The following TBC1D22B variants were observed in gnomAD, a reference collection of about 807,000 sequenced individuals.
TBC1D22B encodes the protein chromosome 6 open reading frame 197.
A neutral mutation model predicts 69.1 loss-of-function variants in TBC1D22B; 32 were observed. The observed-to-expected ratio is 0.46, with a 90% CI of 0.35 to 0.62. The LOEUF (loss-of-function observed/expected upper bound fraction) is 0.62, where lower values mean the gene tolerates loss of function less well. Among genes scored for constraint, TBC1D22B ranks in the 20% least tolerant of loss-of-function variants. The pLI is 0.00. For synonymous variants in TBC1D22B, 206 were observed against 229.8 expected, an observed-to-expected ratio of 0.90 and a Z score of 0.94; for missense variants, 462 against 630.9, an observed-to-expected ratio of 0.73 and a Z score of 2.87.
intron 7 of TBC1D22B, 25 bp from the exon 8 acceptor site, chr6:37,291,218 G>A (rs779143926): frequency 4.4e-5 from 66 of 1,507,968 alleles, no homozygotes; most frequent in Middle Eastern, 1.7e-4. Flanking sequence ...TTTAACACTC[G>A]TGTCTTTCTT....
chr6:37,290,031 C>A (rs939998141), intron 7 of TBC1D22B, among the ~76,000 whole-genome samples: 45 of 152,298 alleles, frequency 3.0e-4, no homozygotes, highest in African/African-American at 1.0e-3. Context: ...CCGCTGTAGG[C>A]ACAACGATCT....
At chr6:37,330,528 G>T (rs866671439) in intron 12 of TBC1D22B, among the ~76,000 whole-genome samples, 1 of 152,038 alleles carries the variant, frequency 6.6e-6, no homozygotes, top group African/African-American at 2.4e-5. Context: ...GAGCCACCGC[G>T]CCTGGCCTAT....
At chr6:37,285,032 G>A (rs189166277) in intron 6 of TBC1D22B, among the ~76,000 whole-genome samples, 1 of 152,160 alleles carries the variant, frequency 6.6e-6, no homozygotes, top group Admixed American at 6.5e-5. Context: ...GCCCATAATG[G>A]TCCTCATGGT....
At position 37,282,907 on chromosome 6, in the gene TBC1D22B, A is replaced by G; in HGVS notation, c.627A>G (p.Pro209=). ...DLDELRKCSW[P]GVPREVRPIT... ...ATGAACTGAGGAAGTGTAGCTGGCC[A>G]GGGGTTCCCAGGGAGGTTCGACCTA... The change falls in exon 5 of 13, where the codon CCA becomes CCG. Residue 209 remains proline (P), a synonymous_variant. Transcript: ENST00000373491. 6.2e-7 allele frequency: 1 copy of G among 1,614,058 alleles called. No individual in the cohort carries two copies. Among genetic ancestry groups the G allele is most frequent in the Non-Finnish European group, 8.5e-7 (1 of 1,179,926 alleles).
rs997912056 is a variant in TBC1D22B, at chr6:37,332,273, C to A, written c.*1101C>A. ...CTCGCCCCTTTCTTCACCCCGCCCCCCAACCCCCAGACTTTCCTGGAGCAT... is the reference window on the plus strand; with the variant it reads ...CTCGCCCCTTTCTTCACCCCGCCCCACAACCCCCAGACTTTCCTGGAGCAT... On this transcript the variant is annotated 3_prime_UTR_variant, in exon 13 of 13. Coordinates refer to ENST00000373491, the MANE Select transcript of TBC1D22B (RefSeq NM_017772.4). The A allele has an allele frequency of 6.6e-6, 1 of 152,632 alleles. No homozygotes were observed. Among genetic ancestry groups the A allele is most frequent in the Non-Finnish European group, 1.5e-5 (1 of 68,108 alleles). The allele number at this position is 152,632 out of a possible 1,614,324, so 9.5% of individuals were successfully genotyped here. A position where few individuals can be genotyped will look rare whatever the true frequency, so the allele number is the denominator to read the frequency against.
At chr6:37,284,043 G>C (rs1766929615) in intron 5 of TBC1D22B, among the ~76,000 whole-genome samples, 1 of 152,176 alleles carries the variant, frequency 6.6e-6, no homozygotes, top group Non-Finnish European at 1.5e-5. Context: ...ATTCACTGCT[G>C]TACTGTGCCA....
intron 8 of TBC1D22B, among the ~76,000 whole-genome samples, chr6:37,304,956 C>G (rs1375816085): frequency 6.6e-6 from 1 of 152,180 alleles, no homozygotes; most frequent in African/African-American, 2.4e-5. Context: ...AGGTTTTAAA[C>G]CGGGTGGTGA....
intron 1 of TBC1D22B, among the ~76,000 whole-genome samples, chr6:37,266,618 T>G (rs1438619831): frequency 6.6e-6 from 1 of 151,990 alleles, no homozygotes; most frequent in Non-Finnish European, 1.5e-5. Flanking sequence ...CCTGCCACCA[T>G]GCCCGGCTAA....
intron 4 of TBC1D22B, 46 bp downstream of exon 4, chr6:37,282,410 G>C: frequency 6.6e-7 from 1 of 1,522,356 alleles, no homozygotes; most frequent in Non-Finnish European, 8.8e-7. Flanking sequence ...TGGGTGACTG[G>C]AATTCTCAGA....
chr6:37,287,963 T>C (rs767545860), intron 7 of TBC1D22B, among the ~76,000 whole-genome samples: 28 of 152,170 alleles, frequency 1.8e-4, no homozygotes, highest in Admixed American at 5.2e-4. Context: ...AGTGGGGCTA[T>C]TATGTTTTGA....
intron 2 of TBC1D22B, among the ~76,000 whole-genome samples, chr6:37,271,756 A>G (rs958788897): frequency 2.0e-5 from 3 of 151,962 alleles, no homozygotes; most frequent in African/African-American, 7.3e-5. Context: ...AATTCTACCA[A>G]CTTGTTCTTT....
chr6:37,298,548 T>TTTTTTTTTTTG (rs1767461976), intron 8 of TBC1D22B, among the ~76,000 whole-genome samples: 1 of 140,378 alleles, frequency 7.1e-6, no homozygotes, highest in African/African-American at 2.8e-5. Context: ...AGTTTTTTTT[T>TTTTTTTTTTTG]TTTTTTTTTT....
At chr6:37,294,738 C>A (rs1767302984) in intron 8 of TBC1D22B, among the ~76,000 whole-genome samples, 1 of 152,288 alleles carries the variant, frequency 6.6e-6, no homozygotes, top group East Asian at 1.9e-4. Context: ...ACTGTTGAGA[C>A]CTCTTGCTCA....
At chr6:37,315,356 A>C (rs1411778298) in intron 10 of TBC1D22B, among the ~76,000 whole-genome samples, 1 of 152,086 alleles carries the variant, frequency 6.6e-6, no homozygotes, top group Non-Finnish European at 1.5e-5. Context: ...CAGGAGTTCA[A>C]GACCAGCCTG....
chr6:37,283,093 C>T (rs1766889403), intron 5 of TBC1D22B, 141 bp downstream of exon 5: 1 of 667,372 alleles, frequency 1.5e-6, no homozygotes, highest in Non-Finnish European at 2.6e-6. Context: ...GACTATAGTC[C>T]TATTTCTGTG....
intron 8 of TBC1D22B, chr6:37,295,609 G>A (rs1253944006): frequency 4.6e-6 from 2 of 437,008 alleles, no homozygotes. Flanking sequence ...AAACACAATT[G>A]CAGTTGAGTT....
intron 1 of TBC1D22B, among the ~76,000 whole-genome samples, chr6:37,264,100 A>C (rs765677631): frequency 3.9e-5 from 6 of 152,232 alleles, no homozygotes; most frequent in Non-Finnish European, 5.9e-5. Context: ...AATTAAGTAA[A>C]ATTTAAAGTA....
At chr6:37,294,789 A>G (rs192553594) in intron 8 of TBC1D22B, among the ~76,000 whole-genome samples, 29 of 152,352 alleles carry the variant, frequency 1.9e-4, no homozygotes, top group African/African-American at 6.3e-4. Flanking sequence ...TCCATTGACA[A>G]TGAACCTAGA....
In TBC1D22B at chr6:37,331,055, G is replaced by T. The variant is rs761326748; in HGVS notation, c.1401G>T (p.Met467Ile). 1 of 1,614,130 alleles carries T rather than the reference G, an allele frequency of 6.2e-7. No homozygotes were observed. The highest frequency in any genetic ancestry group is 8.5e-7 in the Non-Finnish European group (1 of 1,179,994). Reference protein sequence around the residue: ...LDEEDFQGLLMLLQNLPTIHW... With the variant: ...LDEEDFQGLLILLQNLPTIHW... The stretch of plus-strand genomic sequence containing the variant: ...TTCTTGCATTCCAGGGTCTCCTCAT[G>T]CTGCTACAGAACCTACCTACAATAC... Residue 467 changes from methionine to isoleucine, a missense_variant, in exon 13 of 13, where the codon ATG becomes ATT. By Grantham distance (10) the Met-to-Ile change is conservative. Transcript: ENST00000373491.
Sources: gnomAD v4.1 joint callset for allele counts (sites outside exome capture counted in the v4.1 genomes callset) on GRCh38, gnomAD v4.1.1 for gene constraint, MANE v1.5 for transcripts, NCBI Gene and HGNC (gene_info 2026-07-23, HGNC 2026-07-21) for gene names.